FGFR2: variants seen among roughly 807,000 people sequenced by gnomAD.
The protein encoded by FGFR2 is BEK fibroblast growth factor receptor.
In FGFR2, 19 loss-of-function variants were observed where a neutral mutation model predicts 95.9. The observed-to-expected ratio is 0.20, with a 90% CI of 0.14 to 0.29. The LOEUF (loss-of-function observed/expected upper bound fraction) is 0.29. Ranked by LOEUF, FGFR2 falls within the 10% of genes least tolerant of loss-of-function variation. The pLI, the probability that FGFR2 is intolerant of heterozygous loss-of-function variation, is 1.00. For missense variants in FGFR2, 707 were observed against 1,056.9 expected (o/e 0.67, Z 4.59); for synonymous variants, 392 against 393.3 (o/e 1.00, Z 0.04).
chr10:121,479,934 C>T lies in FGFR2; in HGVS notation c.2389G>A (p.Val797Ile), dbSNP rs2133681742. ...RSSCSSGDDS[V>I]FSPDPMPYEP... ...TAAGGCATGGGGTCTGGAGAAAAAACAGAATCATCTCCTGAAGAACAAGAA... is the reference window on the plus strand; with the variant it reads ...TAAGGCATGGGGTCTGGAGAAAAAATAGAATCATCTCCTGAAGAACAAGAA... The change falls in exon 18 of 18, where the codon GTT becomes ATT. Residue 797 changes from valine to isoleucine, a missense_variant. Val to Ile is a conservative substitution (Grantham distance 29). Around this residue, in one of 7 missense-constraint regions of FGFR2, gnomAD observed 51 missense variants for 50.2 expected, o/e 1.01. Coordinates refer to ENST00000358487, the MANE Select transcript of FGFR2 (RefSeq NM_000141.5). The T allele has an allele frequency of 1.2e-6, 2 of 1,614,130 alleles. No individual in the cohort carries two copies. The highest frequency in any genetic ancestry group is 1.7e-6 in the Non-Finnish European group (2 of 1,180,028).
chr10:121,493,609 A>G (rs1326734999), intron 13 of FGFR2, among the ~76,000 whole-genome samples: 1 of 152,074 alleles, frequency 6.6e-6, no homozygotes, highest in Non-Finnish European at 1.5e-5. Flanking sequence ...CAATCTCTAG[A>G]TTTGAGAATT....
intron 2 of FGFR2, among the ~76,000 whole-genome samples, chr10:121,585,419 T>C (rs1861675973): frequency 6.6e-6 from 1 of 152,226 alleles, no homozygotes; most frequent in East Asian, 1.9e-4. Context: ...CCAGGAAATG[T>C]TGACAGGAAG....
At chr10:121,573,241 G>A (rs1011917042) in intron 2 of FGFR2, among the ~76,000 whole-genome samples, 3 of 152,212 alleles carry the variant, frequency 2.0e-5, no homozygotes, top group African/African-American at 7.2e-5. Context: ...TCACTTCACG[G>A]AGAATGGACG....
Position 121,539,549 on chromosome 10 carries a change from G to T in FGFR2, c.625-834C>A, listed in dbSNP as rs371157829. On this transcript the variant is annotated intron_variant, in intron 5 of 17. Coordinates refer to ENST00000358487, the MANE Select transcript of FGFR2 (RefSeq NM_000141.5). ...TCCATAGACTCAAATTTTCAAACTT[G>T]CGAGAGTTTTCCTTACCACAAAATG... is the stretch of plus-strand genomic sequence containing the variant. Among the ~76,000 whole-genome samples the T allele has an allele frequency of 2.6e-5, 4 of 152,248 alleles. No homozygotes were observed. In the South Asian group the frequency reaches 8.3e-4, roughly 32 times the overall value.
At chr10:121,578,440 G>A (rs916436601) in intron 2 of FGFR2, among the ~76,000 whole-genome samples, 1 of 152,128 alleles carries the variant, frequency 6.6e-6, no homozygotes, top group African/African-American at 2.4e-5. Context: ...CTCCCATCTC[G>A]TCCTGTTCAG....
At chr10:121,581,310 G>A (rs45631630) in intron 2 of FGFR2, among the ~76,000 whole-genome samples, 17,728 of 152,244 alleles carry the variant, frequency 0.12, 1,503 homozygotes, top group African/African-American at 0.25. Context: ...AGGGACAGCA[G>A]AGAGGCTAGG....
intron 2 of FGFR2, among the ~76,000 whole-genome samples, chr10:121,579,466 T>G (rs189395424): frequency 4.0e-4 from 61 of 152,342 alleles, no homozygotes; most frequent in Middle Eastern, 3.4e-3. Flanking sequence ...CACATATAAG[T>G]TACCTAAATG....
At chr10:121,481,870 T>A in intron 17 of FGFR2, 1 of 219,750 alleles carries the variant, frequency 4.6e-6, no homozygotes, top group Non-Finnish European at 8.6e-6. Context: ...GGAGTCTCGC[T>A]CTGTCGCCAA....
chr10:121,573,810 G>A (rs1421524948), intron 2 of FGFR2, among the ~76,000 whole-genome samples: 1 of 152,112 alleles, frequency 6.6e-6, no homozygotes, highest in Non-Finnish European at 1.5e-5. Context: ...TAACAGGAGC[G>A]CTGCGGGAAG....
At chr10:121,554,618 G>T (rs979008855) in intron 4 of FGFR2, among the ~76,000 whole-genome samples, 2 of 150,806 alleles carry the variant, frequency 1.3e-5, no homozygotes, top group Admixed American at 1.3e-4. Flanking sequence ...TGATCCACCT[G>T]CCTCAGCCTC....
chr10:121,522,111 C>T (rs756967168), intron 6 of FGFR2, among the ~76,000 whole-genome samples: 2 of 152,110 alleles, frequency 1.3e-5, no homozygotes, highest in East Asian at 1.9e-4. Flanking sequence ...AAGAGCGGAA[C>T]GGTGGTTGCC....
chr10:121,566,880 C>T (rs142769944), intron 2 of FGFR2, among the ~76,000 whole-genome samples: 1 of 152,184 alleles, frequency 6.6e-6, no homozygotes, highest in African/African-American at 2.4e-5. Context: ...ATTGGACCCA[C>T]AAGGATCCAA....
chr10:121,580,650 G>A (rs1323125451), intron 2 of FGFR2, among the ~76,000 whole-genome samples: 1 of 152,122 alleles, frequency 6.6e-6, no homozygotes, highest in Non-Finnish European at 1.5e-5. Context: ...GAGCCACAGG[G>A]ATCACTTTTC....
chr10:121,535,505 A>T (rs567650392), intron 6 of FGFR2, among the ~76,000 whole-genome samples: 45 of 152,294 alleles, frequency 3.0e-4, no homozygotes, highest in African/African-American at 9.6e-4. Flanking sequence ...TTTGGACACA[A>T]GGAAAGTGCA....
chr10:121,577,134 CAAAAAAAAAA>C (rs1169487586), intron 2 of FGFR2, among the ~76,000 whole-genome samples: 6 of 3,952 alleles, frequency 1.5e-3, no homozygotes, highest in South Asian at 0.033. Flanking sequence ...GACTCCATCT[CAAAAAAAAAA>C]AAAAAAAAAA....
chr10:121,544,076 C>A (rs1589927377), intron 5 of FGFR2, among the ~76,000 whole-genome samples: 1 of 152,296 alleles, frequency 6.6e-6, no homozygotes, highest in East Asian at 1.9e-4. Context: ...GATACTTGTA[C>A]ACCAATTGCT....
chr10:121,497,550 C>T (rs535812977), intron 12 of FGFR2, among the ~76,000 whole-genome samples: 1 of 152,326 alleles, frequency 6.6e-6, no homozygotes. Flanking sequence ...CTTTATTTAT[C>T]CATTCCCTTA....
At position 121,531,845 on chromosome 10, in the gene FGFR2, TA is replaced by T. The variant is rs1449144847; in HGVS notation, c.748+6746del. On this transcript the variant is annotated intron_variant, in intron 6 of 17. Coordinates refer to ENST00000358487, the MANE Select transcript of FGFR2 (RefSeq NM_000141.5). This position sits in a 1 kb window ranked among gnomAD's most constrained non-coding sequence, Gnocchi z 4.5. ...GGGGTTGTCTGTGACAGCGATGGTTTATAAGAACAGGATGAGATGGCTGCTG... is the reference window on the plus strand; with the variant it reads ...GGGGTTGTCTGTGACAGCGATGGTTTTAAGAACAGGATGAGATGGCTGCTG... Among the ~76,000 whole-genome samples the T allele has an allele frequency of 6.6e-6, 1 of 152,080 alleles. No homozygotes were observed. The highest frequency in any genetic ancestry group is 2.4e-5 in the African/African-American group (1 of 41,404).
At chr10:121,503,971 A>G (rs776850492) in intron 9 of FGFR2, 30 bp from the exon 10 acceptor site, 2 of 1,613,336 alleles carry the variant, frequency 1.2e-6, no homozygotes, top group Middle Eastern at 1.7e-4. Flanking sequence ...ACACAGATGT[A>G]ATCCTGGCTC....
Sources: allele counts gnomAD v4.1 joint callset (sites outside exome capture counted in the v4.1 genomes callset), GRCh38; gene constraint gnomAD v4.1.1; regional missense constraint gnomAD v4.1.1; non-coding constraint Gnocchi (gnomAD v3.1); transcripts MANE v1.5; gene names NCBI Gene and HGNC (gene_info 2026-07-23, HGNC 2026-07-21).